Variants in SLIT3 observed in about 807,000 individuals in gnomAD.
The protein encoded by SLIT3 is slit guidance ligand 3.
In SLIT3, 68 loss-of-function variants were observed where a neutral mutation model predicts 184.0. The ratio of observed to expected loss-of-function variants is 0.37; its 90% confidence interval spans 0.30 to 0.45. The LOEUF (loss-of-function observed/expected upper bound fraction) is 0.45, where lower values mean the gene tolerates loss of function less well. Among genes scored for constraint, SLIT3 ranks in the 20% least tolerant of loss-of-function variants. The pLI is 1.00. For synonymous variants in SLIT3, 831 were observed against 828.6 expected (o/e 1.00, Z -0.05); for missense variants, 1,707 against 2,026.0 (o/e 0.84, Z 3.02).
intron 1 of SLIT3, among the ~76,000 whole-genome samples, chr5:169,286,641 A>G (rs187250248): frequency 4.6e-4 from 70 of 152,292 alleles, no homozygotes; most frequent in Admixed American, 5.2e-4. Context: ...CAGGTCGCCA[A>G]ATTCCCAGGC....
intron 11 of SLIT3, among the ~76,000 whole-genome samples, chr5:168,786,812 CCT>C (rs1417448100): frequency 2.0e-5 from 3 of 152,202 alleles, no homozygotes; most frequent in Admixed American, 6.5e-5. Flanking sequence ...GCTCGGCTGG[CCT>C]CTCTCTGCTC....
chr5:168,680,667 C>G (rs1761558927), intron 32 of SLIT3, among the ~76,000 whole-genome samples: 1 of 152,136 alleles, frequency 6.6e-6, no homozygotes, highest in African/African-American at 2.4e-5. Context: ...CCTCCTGGCC[C>G]CCTCGGCTGC....
At position 168,856,806 on chromosome 5, in the gene SLIT3, T is replaced by TGTGTGTGTGC. The variant is rs374432432; in HGVS notation, c.486-12152_486-12151insGCACACACAC. Reference sequence around the variant, plus strand: ...GTGTGTGTGTGTGTGTGTGTGTGTGTGCGCGCGCGCGCACGCCTTTGTTCA... The same window carrying TGTGTGTGTGC: ...GTGTGTGTGTGTGTGTGTGTGTGTGTGTGTGTGTGCGCGCGCGCGCGCACGCCTTTGTTCA... On this transcript the variant is annotated intron_variant, in intron 5 of 35. Coordinates refer to ENST00000519560, the MANE Select transcript of SLIT3 (RefSeq NM_003062.4). 3.2e-3 allele frequency among the ~76,000 whole-genome samples: 437 copies of TGTGTGTGTGC among 137,802 alleles called. 5 individuals are homozygous for TGTGTGTGTGC. Among genetic ancestry groups the TGTGTGTGTGC allele is most frequent in the East Asian group, 0.018 (78 of 4,410 alleles). The allele number at this position is 137,802 out of a possible 152,430, so 90.4% of individuals were successfully genotyped here. A position where few individuals can be genotyped will look rare whatever the true frequency, so the allele number is the denominator to read the frequency against.
intron 5 of SLIT3, among the ~76,000 whole-genome samples, chr5:168,858,453 G>A (rs1758981609): frequency 6.6e-6 from 1 of 152,250 alleles, no homozygotes; most frequent in Non-Finnish European, 1.5e-5. Flanking sequence ...TTGGTTTGGG[G>A]AAAGTAAGGT....
intron 6 of SLIT3, among the ~76,000 whole-genome samples, chr5:168,841,827 G>GATTGT: frequency 6.6e-6 from 1 of 152,116 alleles, no homozygotes; most frequent in African/African-American, 2.4e-5. Context: ...ATGTGTCTTT[G>GATTGT]CTTGATTTCT....
At chr5:169,244,158 T>C (rs145931275) in intron 3 of SLIT3, among the ~76,000 whole-genome samples, 133 of 152,360 alleles carry the variant, frequency 8.7e-4, no homozygotes, top group East Asian at 2.9e-3. Context: ...CAATGCATTC[T>C]CTCGTGGAAA....
chr5:168,926,362 T>C (rs1761823053), intron 4 of SLIT3, among the ~76,000 whole-genome samples: 1 of 152,236 alleles, frequency 6.6e-6, no homozygotes, highest in African/African-American at 2.4e-5. Context: ...CTCATTTCTC[T>C]AAGAGAGAAC....
chr5:169,243,886 C>T (rs954004169), intron 3 of SLIT3, among the ~76,000 whole-genome samples: 4 of 152,240 alleles, frequency 2.6e-5, no homozygotes, highest in African/African-American at 4.8e-5. Context: ...ACCAGCATGA[C>T]TAAGTGCTCT....
At chr5:168,917,111 G>A (rs1396424727) in intron 4 of SLIT3, among the ~76,000 whole-genome samples, 1 of 152,202 alleles carries the variant, frequency 6.6e-6, no homozygotes, top group Non-Finnish European at 1.5e-5. Context: ...CTAGTGGGAT[G>A]ATGAGTAACT....
intron 4 of SLIT3, among the ~76,000 whole-genome samples, chr5:169,150,538 C>CAT (rs1467311680): frequency 6.6e-6 from 1 of 151,732 alleles, no homozygotes; most frequent in African/African-American, 2.4e-5. Flanking sequence ...CACACACACA[C>CAT]ACACACCCTT....
chr5:168,736,839 CAGATGGA>C (rs1442370593), intron 20 of SLIT3, among the ~76,000 whole-genome samples: 3 of 152,184 alleles, frequency 2.0e-5, no homozygotes, highest in African/African-American at 7.2e-5. Context: ...GACTTGGGGT[CAGATGGA>C]CCTGGGCTTG....
At chr5:168,977,220 C>T (rs930889807) in intron 4 of SLIT3, among the ~76,000 whole-genome samples, 2 of 152,068 alleles carry the variant, frequency 1.3e-5, no homozygotes, top group African/African-American at 2.4e-5. Context: ...ACGACAGTGG[C>T]ACAGTGTGAA....
rs1029077332 is a variant in SLIT3, at chr5:169,100,740, T to C, written c.413+92739A>G. 2.6e-5 allele frequency among the ~76,000 whole-genome samples: 4 copies of C among 152,164 alleles called. 1 individual carries two copies. Among genetic ancestry groups the C allele is most frequent in the South Asian group, 4.1e-4 (2 of 4,820 alleles). ...ACTGGGTCATTCCATCCTCCAGTGATCCTGTGACCAATTCCAGGCACCTCC... is the reference window on the plus strand; with the variant it reads ...ACTGGGTCATTCCATCCTCCAGTGACCCTGTGACCAATTCCAGGCACCTCC... On this transcript the variant is annotated intron_variant, in intron 4 of 35. Coordinates refer to ENST00000519560, the MANE Select transcript of SLIT3 (RefSeq NM_003062.4).
chr5:168,670,572 A>AAC (rs1047948305), intron 34 of SLIT3, among the ~76,000 whole-genome samples: 4 of 152,170 alleles, frequency 2.6e-5, no homozygotes, highest in African/African-American at 4.8e-5. Flanking sequence ...TATAGAGTCA[A>AAC]ACACACACAC....
chr5:169,167,038 T>C (rs945898571), intron 4 of SLIT3, among the ~76,000 whole-genome samples: 7 of 151,928 alleles, frequency 4.6e-5, no homozygotes, highest in African/African-American at 1.7e-4. Context: ...GACATGATAA[T>C]GTACACCTAT....
At chr5:168,831,788 A>G (rs948828361) in intron 6 of SLIT3, among the ~76,000 whole-genome samples, 5 of 152,238 alleles carry the variant, frequency 3.3e-5, no homozygotes, top group South Asian at 2.1e-4. Flanking sequence ...GCCTTTGATA[A>G]TACAGATTCC....
At chr5:168,690,145 T>TTC (rs1175856920) in intron 29 of SLIT3, among the ~76,000 whole-genome samples, 1 of 151,522 alleles carries the variant, frequency 6.6e-6, no homozygotes, top group African/African-American at 2.4e-5. Context: ...TTTCTTTTTT[T>TTC]TTTTTTTTTT....
chr5:168,827,378 C>A (rs904747106), intron 6 of SLIT3, among the ~76,000 whole-genome samples: 1 of 152,198 alleles, frequency 6.6e-6, no homozygotes, highest in Non-Finnish European at 1.5e-5. Context: ...CCATGCCCCT[C>A]GGCTCATGGC....
chr5:168,921,419 G>C (rs1431524775), intron 4 of SLIT3, among the ~76,000 whole-genome samples: 1 of 152,068 alleles, frequency 6.6e-6, no homozygotes, highest in Middle Eastern at 3.2e-3. Flanking sequence ...GCATTTCTCT[G>C]TTGGCAACAT....
Sources: allele counts gnomAD v4.1 joint callset (sites outside exome capture counted in the v4.1 genomes callset), GRCh38; gene constraint gnomAD v4.1.1; transcripts MANE v1.5; gene names NCBI Gene and HGNC (gene_info 2026-07-23, HGNC 2026-07-21).